ST18: variants seen among roughly 807,000 people sequenced by gnomAD.
ST18 encodes suppression of tumorigenicity 18 protein.
ST18 carries 50 observed loss-of-function variants against 110.0 expected under a neutral mutation model. That is an observed-to-expected ratio of 0.45 (90% CI 0.36 to 0.58). ST18 has a LOEUF of 0.58. Among genes scored for constraint, ST18 ranks in the 20% least tolerant of loss-of-function variants. ST18 has a pLI of 0.00. For missense variants in ST18, 1,306 were observed against 1,280.1 expected (o/e 1.02, Z -0.31); for synonymous variants, 461 against 452.4 (o/e 1.02, Z -0.24).
intron 2 of ST18, among the ~76,000 whole-genome samples, chr8:52,379,420 C>T (rs16917777): frequency 0.046 from 7,035 of 152,026 alleles, 556 homozygotes; most frequent in African/African-American, 0.16. Flanking sequence ...TTCTAAGACT[C>T]GCATCCAAGC....
chr8:52,162,613 C>T (rs1162285353), intron 13 of ST18, among the ~76,000 whole-genome samples: 1 of 152,128 alleles, frequency 6.6e-6, no homozygotes, highest in East Asian at 1.9e-4. Context: ...ATATCTATCA[C>T]ATTTTCAACA....
chr8:52,175,590 A>G (rs1007749428), intron 9 of ST18, among the ~76,000 whole-genome samples: 3 of 152,320 alleles, frequency 2.0e-5, no homozygotes, highest in South Asian at 4.1e-4. Context: ...GGAAGATCCA[A>G]TGATGTGATG....
At chr8:52,263,277 T>C (rs1487888203) in intron 2 of ST18, among the ~76,000 whole-genome samples, 1 of 152,196 alleles carries the variant, frequency 6.6e-6, no homozygotes, top group Non-Finnish European at 1.5e-5. Flanking sequence ...GATATACAGA[T>C]AGCTCAAGAT....
At chr8:52,151,820 A>G (rs796861313) in intron 15 of ST18, among the ~76,000 whole-genome samples, 87 of 152,368 alleles carry the variant, frequency 5.7e-4, no homozygotes, top group African/African-American at 2.0e-3. Context: ...CACAACCAAC[A>G]TTCACATAAA....
intron 8 of ST18, among the ~76,000 whole-genome samples, chr8:52,181,438 T>C (rs781564531): frequency 1.3e-5 from 2 of 152,026 alleles, no homozygotes; most frequent in Non-Finnish European, 2.9e-5. Flanking sequence ...TTCAAAAACT[T>C]CCAATGGGGG....
intron 8 of ST18, among the ~76,000 whole-genome samples, chr8:52,193,793 G>A (rs1450545776): frequency 6.6e-6 from 1 of 152,154 alleles, no homozygotes; most frequent in Non-Finnish European, 1.5e-5. Flanking sequence ...ATTCTGTAAG[G>A]ATAATCCCTG....
At chr8:52,219,147 A>G (rs995386548) in intron 5 of ST18, among the ~76,000 whole-genome samples, 1 of 152,150 alleles carries the variant, frequency 6.6e-6, no homozygotes, top group East Asian at 1.9e-4. Context: ...TGTTTTAAAC[A>G]TAGCTTTGGG....
intron 15 of ST18, chr8:52,150,842 C>T (rs1175400413): frequency 6.6e-6 from 1 of 152,142 alleles, no homozygotes; most frequent in Non-Finnish European, 1.5e-5. Flanking sequence ...GAACAGTACC[C>T]CATTCTGTAT....
At position 52,234,728 on chromosome 8, in the gene ST18, GGTGTGTGT is replaced by G. The variant is rs3054614; in HGVS notation, c.-464-4659_-464-4652del. ...ATCAACAAGTGGATAAAGAAACTAT[GGTGTGTGT>G]GTGTGTGTGTGTGTGTGTGTGTGTG... On this transcript the variant is annotated intron_variant, in intron 2 of 25. Transcript: ENST00000689386. Among the ~76,000 whole-genome samples, 374 of 145,704 alleles carry G rather than the reference GGTGTGTGT, an allele frequency of 2.6e-3. 3 individuals are homozygous for G. Among genetic ancestry groups the G allele is most frequent in the African/African-American group, 8.9e-3 (350 of 39,336 alleles).
chr8:52,342,366 A>G (rs570166104), intron 2 of ST18, among the ~76,000 whole-genome samples: 3 of 22,570 alleles, frequency 1.3e-4, no homozygotes, highest in Admixed American at 1.5e-3. Flanking sequence ...ATGACTCCAT[A>G]TAACTCTCAC....
intron 2 of ST18, among the ~76,000 whole-genome samples, chr8:52,284,750 A>G (rs2095440377): frequency 6.6e-6 from 1 of 152,184 alleles, no homozygotes; most frequent in Non-Finnish European, 1.5e-5. Flanking sequence ...TGGGAAATTG[A>G]AATGGACTAG....
At position 52,178,645 on chromosome 8, in the gene ST18, C is replaced by CAAAAAAAAAAA. The variant is rs1563897561; in HGVS notation, c.277+1476_277+1477insTTTTTTTTTTT. Among the ~76,000 whole-genome samples, 29 of 30,078 alleles carry CAAAAAAAAAAA rather than the reference C, an allele frequency of 9.6e-4. 1 individual carries two copies. Among genetic ancestry groups the CAAAAAAAAAAA allele is most frequent in the South Asian group, 2.5e-3 (2 of 814 alleles). The allele number at this position is 30,078 out of a possible 152,430, so 19.7% of individuals were successfully genotyped here. Reference sequence around the variant, plus strand: ...AAAAAAAAAAAAAAAAAAAAAAAACCACCAAAAACCAAAATAAAACAAACA... The same window carrying CAAAAAAAAAAA: ...AAAAAAAAAAAAAAAAAAAAAAAACCAAAAAAAAAAAACCAAAAACCAAAATAAAACAAACA... On this transcript the variant is annotated intron_variant, in intron 9 of 25. Transcript: ENST00000689386.
intron 9 of ST18, among the ~76,000 whole-genome samples, chr8:52,178,120 T>C (rs1309598792): frequency 1.3e-5 from 2 of 152,096 alleles, no homozygotes; most frequent in East Asian, 3.9e-4. Flanking sequence ...TGTACAGTGG[T>C]CAACAAACTA....
chr8:52,155,973 G>A (rs2059915927), intron 15 of ST18, among the ~76,000 whole-genome samples: 1 of 152,140 alleles, frequency 6.6e-6, no homozygotes, highest in Non-Finnish European at 1.5e-5. Flanking sequence ...ATGCAAATGA[G>A]AGATGCTCAT....
At chr8:52,318,095 C>G (rs1038617038) in intron 2 of ST18, among the ~76,000 whole-genome samples, 1 of 152,054 alleles carries the variant, frequency 6.6e-6, no homozygotes, top group Non-Finnish European at 1.5e-5. Flanking sequence ...AAATGCACAA[C>G]CTACAGAATG....
In ST18 at chr8:52,398,815, T is replaced by C. The variant is rs1015183061; in HGVS notation, c.-465+10513A>G. The stretch of plus-strand genomic sequence containing the variant: ...ACTTGGTCATGATGTATAATCTTTT[T>C]GATGCATTGCTGAATTGAGTTTGCT... On this transcript the variant is annotated intron_variant, in intron 2 of 25. Coordinates refer to ENST00000689386, the MANE Select transcript of ST18 (RefSeq NM_001352837.2). Among the ~76,000 whole-genome samples, 16 of 152,288 alleles carry C rather than the reference T, an allele frequency of 1.1e-4. No individual in the cohort carries two copies. The East Asian group carries it at 2.7e-3, about 26-fold the overall frequency.
intron 2 of ST18, among the ~76,000 whole-genome samples, chr8:52,380,381 C>A (rs6988953): frequency 1.3e-5 from 2 of 152,146 alleles, no homozygotes; most frequent in Admixed American, 1.3e-4. Flanking sequence ...TTGTTTATGT[C>A]ATCTGTAAGG....
At chr8:52,366,209 G>A (rs956773515) in intron 2 of ST18, among the ~76,000 whole-genome samples, 2 of 152,052 alleles carry the variant, frequency 1.3e-5, no homozygotes, top group African/African-American at 2.4e-5. Flanking sequence ...GAGCCCACCT[G>A]TTCCCACTGC....
intron 14 of ST18, among the ~76,000 whole-genome samples, chr8:52,160,498 T>C (rs1291053057): frequency 1.3e-5 from 2 of 152,202 alleles, no homozygotes; most frequent in Non-Finnish European, 2.9e-5. Context: ...CATAGCCTGG[T>C]GCAAGTTCAA....
Sources: allele counts gnomAD v4.1 joint callset (sites outside exome capture counted in the v4.1 genomes callset), GRCh38; gene constraint gnomAD v4.1.1; transcripts MANE v1.5; gene names NCBI Gene and HGNC (gene_info 2026-07-23, HGNC 2026-07-21).